The following ST8SIA4 variants were observed in gnomAD, a reference collection of about 807,000 sequenced individuals.
ST8SIA4 encodes the protein CMP-N-acetylneuraminate-poly-alpha-2,8-sialyltransferase.
Under a neutral mutation model 33.9 loss-of-function variants are expected in ST8SIA4, and 15 were observed. The ratio of observed to expected loss-of-function variants is 0.44; its 90% CI spans 0.30 to 0.68. ST8SIA4 has a LOEUF of 0.68. ST8SIA4 is among the 30% of genes least tolerant of loss of function. The pLI is 0.10. For missense variants in ST8SIA4, 321 were observed against 428.0 expected (o/e 0.75, Z 2.21); for synonymous variants, 171 against 151.2 (o/e 1.13, Z -0.96).
intron 3 of ST8SIA4, among the ~76,000 whole-genome samples, chr5:100,862,905 T>C (rs953809499): frequency 6.6e-6 from 1 of 152,186 alleles, no homozygotes; most frequent in Admixed American, 6.5e-5. Context: ...CTCTTAAATA[T>C]TATGTACCAC....
chr5:100,883,813 G>A (rs1480466092), intron 3 of ST8SIA4, among the ~76,000 whole-genome samples: 1 of 152,052 alleles, frequency 6.6e-6, no homozygotes, highest in African/African-American at 2.4e-5. Context: ...TTCACCTCCC[G>A]CCATAATTCT....
chr5:100,816,256 T>C lies in ST8SIA4; in HGVS notation c.798-4127A>G, dbSNP rs943127545. Among the ~76,000 whole-genome samples the C allele has an allele frequency of 4.6e-5, 7 of 152,334 alleles. 1 individual carries two copies. Among genetic ancestry groups the C allele is most frequent in the Admixed American group, 3.3e-4 (5 of 15,302 alleles). On this transcript the variant is annotated intron_variant, in intron 4 of 4. Transcript: ENST00000231461. ...AAAGAAGGTACCTAATAAATGCTTA[T>C]TGATTTTAAATCCTGTAATATTTTA...
chr5:100,901,111 T>A (rs910777576), intron 1 of ST8SIA4, among the ~76,000 whole-genome samples: 1 of 152,236 alleles, frequency 6.6e-6, no homozygotes, highest in Non-Finnish European at 1.5e-5. Flanking sequence ...ACAGGAGAAA[T>A]GACACCCGTG....
chr5:100,822,546 A>G (rs1311440339), intron 4 of ST8SIA4, among the ~76,000 whole-genome samples: 1 of 152,236 alleles, frequency 6.6e-6, no homozygotes, highest in African/African-American at 2.4e-5. Context: ...ATGCTAAAAG[A>G]ATTGAATGAT....
chr5:100,829,045 G>A (rs897213215), intron 4 of ST8SIA4, among the ~76,000 whole-genome samples: 1 of 152,226 alleles, frequency 6.6e-6, no homozygotes, highest in Non-Finnish European at 1.5e-5. Flanking sequence ...ATTTGTAGGT[G>A]TAGGAATATT....
At chr5:100,819,595 C>T (rs1015726175) in intron 4 of ST8SIA4, among the ~76,000 whole-genome samples, 10 of 152,162 alleles carry the variant, frequency 6.6e-5, no homozygotes, top group South Asian at 2.1e-4. Context: ...AAGCAAGCTC[C>T]AGTATTCTTC....
chr5:100,856,532 G>T, intron 3 of ST8SIA4, 136 bp from the exon 4 acceptor site: 2 of 812,316 alleles, frequency 2.5e-6, no homozygotes, highest in Non-Finnish European at 3.8e-6. Context: ...TCATCTACTT[G>T]GTAAGATTAC....
intron 3 of ST8SIA4, among the ~76,000 whole-genome samples, chr5:100,859,662 C>T (rs1244569839): frequency 6.6e-6 from 1 of 152,094 alleles, no homozygotes. Context: ...GATGGCTTCT[C>T]ATCCCTACAT....
chr5:100,843,672 C>T (rs968820987), intron 4 of ST8SIA4, among the ~76,000 whole-genome samples: 1 of 151,894 alleles, frequency 6.6e-6, no homozygotes, highest in Non-Finnish European at 1.5e-5. Flanking sequence ...TTTTTTGTTA[C>T]TGAGCTTAAC....
intron 1 of ST8SIA4, among the ~76,000 whole-genome samples, chr5:100,898,115 T>C (rs140737922): frequency 1.3e-3 from 197 of 152,278 alleles, no homozygotes; most frequent in African/African-American, 4.6e-3. Context: ...ATAATAATTA[T>C]TTTCACCACC....
intron 4 of ST8SIA4, among the ~76,000 whole-genome samples, chr5:100,834,108 C>G (rs184105726): frequency 3.9e-5 from 6 of 152,152 alleles, no homozygotes; most frequent in Admixed American, 6.5e-5. Flanking sequence ...CTATAAAATT[C>G]CATCTAAATA....
Position 100,811,759 on chromosome 5 carries a change from G to A in ST8SIA4, c.*88C>T, listed in dbSNP as rs1750820692. 1 of 1,381,994 alleles carries A rather than the reference G, an allele frequency of 7.2e-7. No individual in the cohort carries two copies. The allele number at this position is 1,381,994 out of a possible 1,614,324, so 85.6% of individuals were successfully genotyped here. A position where few individuals can be genotyped will look rare whatever the true frequency, so the allele number is the denominator to read the frequency against. Reference sequence around the variant, plus strand: ...ACCTTTCAGTTCATTGGTGGATGCTGAAACCCAGCCGTGTTTTGGATCCTA... The same window carrying A: ...ACCTTTCAGTTCATTGGTGGATGCTAAAACCCAGCCGTGTTTTGGATCCTA... On this transcript the variant is annotated 3_prime_UTR_variant, in exon 5 of 5. Transcript: ENST00000231461.
chr5:100,841,836 TCCACCA>T (rs1751477563), intron 4 of ST8SIA4, among the ~76,000 whole-genome samples: 1 of 151,874 alleles, frequency 6.6e-6, no homozygotes, highest in Non-Finnish European at 1.5e-5. Context: ...ACATGTCCCA[TCCACCA>T]GAGGTATTAC....
At chr5:100,839,158 A>G (rs1751423250) in intron 4 of ST8SIA4, among the ~76,000 whole-genome samples, 2 of 152,070 alleles carry the variant, frequency 1.3e-5, no homozygotes, top group East Asian at 1.9e-4. Flanking sequence ...CCTTTTGCCA[A>G]CTTAGAATAT....
chr5:100,897,049 GCTCTGCATGTAAAAGTAATTTTTCAA>G, intron 1 of ST8SIA4, among the ~76,000 whole-genome samples: 1 of 152,178 alleles, frequency 6.6e-6, no homozygotes, highest in African/African-American at 2.4e-5. Context: ...ATCAAGTAAG[GCTCTGCATGTAAAAGTAATTTTTCAA>G]AAATTGCATT....
At chr5:100,868,789 T>A (rs1444182124) in intron 3 of ST8SIA4, among the ~76,000 whole-genome samples, 3 of 152,052 alleles carry the variant, frequency 2.0e-5, no homozygotes, top group African/African-American at 4.8e-5. Flanking sequence ...TATTTGTTCT[T>A]AAAAATCAAT....
At chr5:100,852,400 G>A (rs1193784663) in intron 4 of ST8SIA4, among the ~76,000 whole-genome samples, 2 of 150,864 alleles carry the variant, frequency 1.3e-5, no homozygotes, top group Non-Finnish European at 3.0e-5. Flanking sequence ...GGGATCACAG[G>A]CATGAGCCAC....
Position 100,884,455 on chromosome 5 carries a change from G to T in ST8SIA4, c.503+1888C>A, listed in dbSNP as rs143412602. Among the ~76,000 whole-genome samples the T allele has an allele frequency of 7.6e-3, 1,163 of 152,262 alleles. 16 individuals are homozygous for T. The highest frequency in any genetic ancestry group is 0.027 in the African/African-American group (1,122 of 41,542). Reference sequence around the variant, plus strand: ...TTTGGGATCAGAATTTTATTCACAGGTTGACTACATCCCAGAAATCTGGAA... The same window carrying T: ...TTTGGGATCAGAATTTTATTCACAGTTTGACTACATCCCAGAAATCTGGAA... On this transcript the variant is annotated intron_variant, in intron 3 of 4. Coordinates refer to ENST00000231461, the MANE Select transcript of ST8SIA4 (RefSeq NM_005668.6).
chr5:100,870,335 G>C (rs1037593029), intron 3 of ST8SIA4, among the ~76,000 whole-genome samples: 1 of 152,018 alleles, frequency 6.6e-6, no homozygotes, highest in Non-Finnish European at 1.5e-5. Flanking sequence ...TGTGCTTACT[G>C]GTCCCATTGC....
Sources: allele counts gnomAD v4.1 joint callset (sites outside exome capture counted in the v4.1 genomes callset), GRCh38; gene constraint gnomAD v4.1.1; transcripts MANE v1.5; gene names NCBI Gene and HGNC (gene_info 2026-07-23, HGNC 2026-07-21).